Variants in CSMD1 observed in about 807,000 individuals in gnomAD.
CSMD1 encodes the protein CUB and sushi domain-containing protein 1.
A neutral mutation model predicts 417.5 loss-of-function variants in CSMD1; 213 were observed. The ratio of observed to expected loss-of-function variants is 0.51; its 90% CI spans 0.46 to 0.57. CSMD1 has a LOEUF of 0.57. Ranked by LOEUF, CSMD1 falls within the 20% of genes least tolerant of loss-of-function variation. CSMD1 has a pLI of 0.00. For synonymous variants in CSMD1, 2,862 were observed against 1,736.8 expected, an observed-to-expected ratio of 1.65 and a Z score of -16.11; for missense variants, 6,923 against 4,529.7, an observed-to-expected ratio of 1.53 and a Z score of -15.17.
chr8:4,187,156 G>A (rs1052136779), intron 3 of CSMD1, among the ~76,000 whole-genome samples: 1 of 151,704 alleles, frequency 6.6e-6, no homozygotes, highest in African/African-American at 2.4e-5. Flanking sequence ...TTTACTGCTT[G>A]TAGTATTAAA....
intron 37 of CSMD1, among the ~76,000 whole-genome samples, chr8:3,175,191 T>G (rs908012309): frequency 6.6e-6 from 1 of 152,200 alleles, no homozygotes; most frequent in Non-Finnish European, 1.5e-5. Flanking sequence ...CTTTGAACAT[T>G]CAACTATACT....
chr8:3,975,962 T>A (rs1813407623), intron 5 of CSMD1, among the ~76,000 whole-genome samples: 1 of 152,216 alleles, frequency 6.6e-6, no homozygotes, highest in Non-Finnish European at 1.5e-5. Flanking sequence ...TTTTTAACAT[T>A]AAAATCAGTT....
chr8:3,071,404 A>G (rs926781456), intron 49 of CSMD1, among the ~76,000 whole-genome samples: 112 of 152,294 alleles, frequency 7.4e-4, no homozygotes, highest in African/African-American at 2.3e-3. Context: ...TAATGAATGC[A>G]GGGCTTAAAA....
At chr8:3,903,702 C>A (rs1182175661) in intron 5 of CSMD1, among the ~76,000 whole-genome samples, 1 of 152,136 alleles carries the variant, frequency 6.6e-6, no homozygotes, top group Non-Finnish European at 1.5e-5. Flanking sequence ...ACATCAGATA[C>A]AGCATCCTGA....
chr8:4,051,390 C>G (rs909652690), intron 3 of CSMD1, among the ~76,000 whole-genome samples: 4 of 152,016 alleles, frequency 2.6e-5, no homozygotes, highest in Admixed American at 2.6e-4. Context: ...AGGGCTGATC[C>G]AACCCAGTAG....
At chr8:4,703,634 C>G (rs1013406152) in intron 1 of CSMD1, among the ~76,000 whole-genome samples, 2 of 152,018 alleles carry the variant, frequency 1.3e-5, no homozygotes, top group South Asian at 4.1e-4. Context: ...CTGGGGATTT[C>G]TAAATATTTC....
intron 17 of CSMD1, among the ~76,000 whole-genome samples, chr8:3,391,778 G>T (rs755087236): frequency 1.3e-5 from 2 of 152,164 alleles, no homozygotes; most frequent in African/African-American, 4.8e-5. Context: ...TGTGATTTCT[G>T]CAACACATTT....
intron 3 of CSMD1, among the ~76,000 whole-genome samples, chr8:4,211,408 A>C (rs1252637860): frequency 6.6e-6 from 1 of 152,212 alleles, no homozygotes; most frequent in African/African-American, 2.4e-5. Flanking sequence ...TACCTAAATC[A>C]GCATCACTGA....
chr8:3,097,995 A>G (rs1030618691), intron 46 of CSMD1, among the ~76,000 whole-genome samples: 2 of 152,240 alleles, frequency 1.3e-5, no homozygotes, highest in Non-Finnish European at 2.9e-5. Context: ...AACTACTTCC[A>G]GTTTAATCAA....
At chr8:4,258,565 GGGAAGAAT>G (rs1243495960) in intron 3 of CSMD1, among the ~76,000 whole-genome samples, 2 of 147,052 alleles carry the variant, frequency 1.4e-5, no homozygotes, top group Non-Finnish European at 3.0e-5. Context: ...GAGGGAGGGA[GGGAAGAAT>G]GGAAGGAAGG....
intron 3 of CSMD1, among the ~76,000 whole-genome samples, chr8:4,228,537 A>C (rs1396167349): frequency 6.7e-6 from 1 of 149,006 alleles, no homozygotes; most frequent in Non-Finnish European, 1.5e-5. Flanking sequence ...GCTCTTCTAC[A>C]ACCCACTGGC....
At chr8:3,843,274 G>A (rs553500895) in intron 5 of CSMD1, among the ~76,000 whole-genome samples, 6 of 152,078 alleles carry the variant, frequency 3.9e-5, no homozygotes, top group South Asian at 2.1e-4. Flanking sequence ...AAATACTTTC[G>A]TTGTTTGTTA....
chr8:3,412,647 C>T lies in CSMD1; in HGVS notation c.1562-3042G>A, dbSNP rs555003835. Among the ~76,000 whole-genome samples, 12 of 152,280 alleles carry T rather than the reference C, an allele frequency of 7.9e-5. 1 individual carries two copies. The South Asian group carries it at 2.5e-3, about 32-fold the overall frequency. On this transcript the variant is annotated intron_variant, in intron 12 of 69. Transcript: ENST00000635120. The stretch of plus-strand genomic sequence containing the variant: ...TTCAAGGTACACTGCTAACGTCACA[C>T]CTCAGGCTACCAAACAAAGATGATC...
chr8:3,357,969 T>C (rs140739289), intron 21 of CSMD1, among the ~76,000 whole-genome samples: 8 of 152,320 alleles, frequency 5.3e-5, no homozygotes, highest in African/African-American at 1.9e-4. Context: ...TGTGTATCTC[T>C]GGTTCGTTAA....
At chr8:3,561,506 T>A (rs1799464859) in intron 10 of CSMD1, among the ~76,000 whole-genome samples, 1 of 152,084 alleles carries the variant, frequency 6.6e-6, no homozygotes, top group Non-Finnish European at 1.5e-5. Context: ...TTATCCTAAG[T>A]AAAATAATGC....
chr8:4,446,873 G>A (rs1458907112), intron 2 of CSMD1, among the ~76,000 whole-genome samples: 1 of 151,302 alleles, frequency 6.6e-6, no homozygotes, highest in Non-Finnish European at 1.5e-5. Flanking sequence ...CACCCGCCTT[G>A]GCCTCCCAAT....
intron 23 of CSMD1, among the ~76,000 whole-genome samples, chr8:3,323,737 G>A (rs762115153): frequency 7.2e-6 from 1 of 138,016 alleles, no homozygotes; most frequent in South Asian, 2.5e-4. Context: ...AGACCCAGGA[G>A]GGAATTTCCT....
intron 23 of CSMD1, among the ~76,000 whole-genome samples, chr8:3,339,066 A>G (rs892332316): frequency 5.0e-5 from 7 of 140,744 alleles, no homozygotes; most frequent in Admixed American, 8.0e-5. Flanking sequence ...ATTCCCACCT[A>G]TGAGTGAGAA....
At chr8:4,606,996 G>C (rs561830111) in intron 2 of CSMD1, among the ~76,000 whole-genome samples, 1 of 152,194 alleles carries the variant, frequency 6.6e-6, no homozygotes, top group South Asian at 2.1e-4. Context: ...TTTTCATGTG[G>C]CACCATATTT....
Sources: gnomAD v4.1 joint callset for allele counts (sites outside exome capture counted in the v4.1 genomes callset) on GRCh38, gnomAD v4.1.1 for gene constraint, MANE v1.5 for transcripts, NCBI Gene and HGNC (gene_info 2026-07-23, HGNC 2026-07-21) for gene names.